The following GPR142 variants were observed in gnomAD, a reference collection of about 807,000 sequenced individuals.
GPR142 encodes G protein-coupled receptor 142.
Under a neutral mutation model 10.6 loss-of-function variants are expected in GPR142, and 9 were observed. The observed-to-expected ratio is 0.85, with a 90% confidence interval of 0.51 to 1.48. The LOEUF (loss-of-function observed/expected upper bound fraction) is 1.48, where lower values mean the gene tolerates loss of function less well. GPR142 is among the 40% of genes most tolerant of loss of function. The pLI, the probability that GPR142 is intolerant of heterozygous loss-of-function variation, is 0.00. For missense variants in GPR142, 482 were observed against 506.0 expected (o/e 0.95, Z 0.45); for synonymous variants, 202 against 221.2 (o/e 0.91, Z 0.77).
At position 74,369,478 on chromosome 17, in the gene GPR142, TG is replaced by T; in HGVS notation, c.-62del. 6.4e-7 allele frequency: 1 copy of T among 1,556,774 alleles called. No homozygotes were observed. The highest frequency in any genetic ancestry group is 8.7e-7 in the Non-Finnish European group (1 of 1,149,556). On this transcript the variant is annotated 5_prime_UTR_variant, in exon 2 of 4. An upstream open reading frame in the 5' UTR loses its in-frame stop. Coordinates refer to ENST00000582579, the MANE Select transcript of GPR142 (RefSeq NM_001331076.1). ...CCCCTGCACTAACAGGCTCAGTGTCTGCGTAAGGATCCTGGGGCAAACAACC... is the reference window on the plus strand; with the variant it reads ...CCCCTGCACTAACAGGCTCAGTGTCTCGTAAGGATCCTGGGGCAAACAACC...
At position 74,367,718 on chromosome 17, in the gene GPR142, G is replaced by T; in HGVS notation, c.-150G>T. Reference sequence around the variant, plus strand: ...GGGGAAGCTGGGACCTCCGAATAAGGCCATCCAAGGACTCCAGCAGTTTCC... The same window carrying T: ...GGGGAAGCTGGGACCTCCGAATAAGTCCATCCAAGGACTCCAGCAGTTTCC... On this transcript the variant is annotated 5_prime_UTR_variant, in exon 1 of 4. Coordinates refer to ENST00000582579, the MANE Select transcript of GPR142 (RefSeq NM_001331076.1). 5 of 1,613,976 alleles carry T rather than the reference G, an allele frequency of 3.1e-6. No individual in the cohort carries two copies. The highest frequency in any genetic ancestry group is 4.2e-6 in the Non-Finnish European group (5 of 1,179,996).
At chr17:74,369,724 G>A in intron 2 of GPR142, 90 bp downstream of exon 2, 1 of 1,348,700 alleles carries the variant, frequency 7.4e-7, no homozygotes, top group Non-Finnish European at 9.9e-7. Context: ...AGAGGGTGGA[G>A]TAGGGGCCAA....
rs1241009128 is a variant in GPR142 at position 74,371,874 on chromosome 17, G to T, written c.399G>T (p.Val133=). The change falls in exon 4 of 4, where the codon GTG becomes GTT. Residue 133 remains valine, a synonymous_variant. Coordinates refer to ENST00000582579, the MANE Select transcript of GPR142 (RefSeq NM_001331076.1). ...CGGGCTTCCTCCTGCAGGGAGCAGT[G>T]CTGGCCCGCCAGGTGCCCCAGGCTG... The part of the protein sequence containing the change: ...VFAGFLLQGA[V]LARQVPQAVV... The T allele has an allele frequency of 1.2e-6, 2 of 1,613,338 alleles. No homozygotes were observed. Among genetic ancestry groups the T allele is most frequent in the African/African-American group, 1.3e-5 (1 of 75,062 alleles).
chr17:74,369,764 C>G (rs531042242), intron 2 of GPR142, 130 bp downstream of exon 2: 1 of 944,544 alleles, frequency 1.1e-6, no homozygotes, highest in Non-Finnish European at 1.5e-6. Context: ...GTGAGCCCCC[C>G]GGCCTCAGCA....
In GPR142 at chr17:74,370,343, G is replaced by C. The variant is rs1451068211; in HGVS notation, c.95-178G>C. 2.0e-5 allele frequency among the ~76,000 whole-genome samples: 3 copies of C among 152,254 alleles called. 1 individual carries two copies. The highest frequency in any genetic ancestry group is 6.6e-5 in the Admixed American group (1 of 15,244). On this transcript the variant is annotated intron_variant, in intron 2 of 3. Coordinates refer to ENST00000582579, the MANE Select transcript of GPR142 (RefSeq NM_001331076.1). ...GAGGGAGTGGGGTGACATGGGGTGG[G>C]GGTGAGGGTGGTCTTGGCAAGAATT...
intron 2 of GPR142, among the ~76,000 whole-genome samples, 190 bp downstream of exon 2, chr17:74,369,824 C>T (rs1035709585): frequency 1.3e-5 from 2 of 152,196 alleles, no homozygotes; most frequent in African/African-American, 4.8e-5. Flanking sequence ...AGTGTGGCTT[C>T]AGGGGAACAG....
At position 74,372,076 on chromosome 17, in the gene GPR142, ACCGGCATCC is replaced by A; in HGVS notation, c.604_612del (p.Gly202_Pro204del). ...TGCTGTCCTGAGTGCTGCCCTGTTG[ACCGGCATCC>A]CCTTCTACTGGTGGCTGGACATGTG... On this transcript the variant is annotated inframe_deletion, in exon 4 of 4. Transcript: ENST00000582579. 1 of 1,614,150 alleles carries A rather than the reference ACCGGCATCC, an allele frequency of 6.2e-7. No individual in the cohort carries two copies.
At chr17:74,370,309 C>T (rs531828889) in intron 2 of GPR142, among the ~76,000 whole-genome samples, 3 of 152,164 alleles carry the variant, frequency 2.0e-5, no homozygotes, top group South Asian at 4.1e-4. Flanking sequence ...GTGGGGGAGC[C>T]GGGCCACTGA....
rs770492734 is a variant in GPR142, at chr17:74,372,558, T to C, written c.1083T>C (p.Pro361=). 1 of 1,610,472 alleles carries C rather than the reference T, an allele frequency of 6.2e-7. No homozygotes were observed. Among genetic ancestry groups the C allele is most frequent in the African/African-American group, 1.3e-5 (1 of 74,950 alleles). The change falls in exon 4 of 4, where the codon CCT becomes CCC. Residue 361 remains proline, a synonymous_variant. Transcript: ENST00000582579. ...AGCCAGAGGGCATGGCGGCGAAGCC[T>C]GTGATGGAGCCTCCGGGACTCCCCA... ...ASQPEGMAAK[P]VMEPPGLPTG...
intron 2 of GPR142, among the ~76,000 whole-genome samples, chr17:74,370,193 C>CCTGTGAT (rs1567936713): frequency 6.6e-6 from 1 of 151,216 alleles, no homozygotes; most frequent in Non-Finnish European, 1.5e-5. Context: ...GACAAGTGCC[C>CCTGTGAT]CCTGTTTCAG....
At chr17:74,368,742 G>A (rs918670072) in intron 1 of GPR142, among the ~76,000 whole-genome samples, 5 of 152,166 alleles carry the variant, frequency 3.3e-5, no homozygotes, top group African/African-American at 9.7e-5. Context: ...CACCAGCAAC[G>A]GCTGTTGTTT....
chr17:74,368,293 G>T (rs1005117714), intron 1 of GPR142, among the ~76,000 whole-genome samples: 3 of 152,188 alleles, frequency 2.0e-5, no homozygotes, highest in Admixed American at 2.0e-4. Context: ...GGCGTCATCT[G>T]TGCTACTTGC....
In GPR142 at chr17:74,372,410, A is replaced by C. The variant is rs761383914; in HGVS notation, c.935A>C (p.Asn312Thr). ...GTCCACCTGGCCTTGGATGTGGCCA[A>C]TATGGTGGCCATGCTCCACACGGCA... Reference protein sequence around the residue: ...WRVHLALDVANMVAMLHTAAN... With the variant: ...WRVHLALDVATMVAMLHTAAN... The change falls in exon 4 of 4, where the codon AAT becomes ACT. Residue 312 changes from asparagine to threonine, a missense_variant. By Grantham distance (65) the Asn-to-Thr change is moderately conservative (BLOSUM62 0). Transcript: ENST00000582579. 6.2e-7 allele frequency: 1 copy of C among 1,613,946 alleles called. No homozygotes were observed. The highest frequency in any genetic ancestry group is 1.1e-5 in the South Asian group (1 of 91,096).
In GPR142 at chr17:74,369,579, AC is replaced by A. The variant is rs752750970; in HGVS notation, c.40del (p.Gln14ArgfsTer2). On this transcript the variant is annotated frameshift_variant, in exon 2 of 4. Transcript: ENST00000582579. LOFTEE classifies it high-confidence loss of function. ...GSCGDPQKKP[Q>X]VTQDSGPQSM... ...GCTGCGGGGACCCTCAGAAAAAGCC[AC>A]AGGTGACCCAGGACTCAGGGCCCCA... is the stretch of plus-strand genomic sequence containing the variant. The A allele has an allele frequency of 1.4e-5, 22 of 1,552,096 alleles. No homozygotes were observed. The South Asian group carries it at 2.6e-4, about 18-fold the overall frequency.
In GPR142 at chr17:74,370,582, T is replaced by C. The variant is rs934674971; in HGVS notation, c.156T>C (p.Phe52=). The C allele has an allele frequency of 1.9e-6, 3 of 1,613,506 alleles. No individual in the cohort carries two copies. The African/African-American group carries it at 4.0e-5, about 22-fold the overall frequency. The change falls in exon 3 of 4, where the codon TTT becomes TTC. Residue 52 remains phenylalanine, a synonymous_variant. Coordinates refer to ENST00000582579, the MANE Select transcript of GPR142 (RefSeq NM_001331076.1). ...ACGTCAGCGGGCTGAGCCAGGAGTT[T>C]GAAAGCCACTGGCCAGAGATCGCAG... The part of the protein sequence containing the change: ...TPHVSGLSQE[F]ESHWPEIAER...
chr17:74,367,931 C>A, intron 1 of GPR142, 137 bp downstream of exon 1: 3 of 806,516 alleles, frequency 3.7e-6, no homozygotes, highest in South Asian at 1.9e-5. Context: ...TGGTTGAAAC[C>A]CTTGTGTTCC....
At position 74,367,598 on chromosome 17, in the gene GPR142, T is replaced by C. The variant is rs551442696; in HGVS notation, c.-270T>C. ...CTGCTGTCCTGGGTACAGAAGCATA[T>C]ACTGAGGAAGACAAATCAATGGTGT... On this transcript the variant is annotated 5_prime_UTR_variant, in exon 1 of 4. Coordinates refer to ENST00000582579, the MANE Select transcript of GPR142 (RefSeq NM_001331076.1). 1.9e-6 allele frequency: 3 copies of C among 1,614,180 alleles called. No homozygotes were observed. Among genetic ancestry groups the C allele is most frequent in the African/African-American group, 1.3e-5 (1 of 75,038 alleles).
chr17:74,368,463 C>T (rs1028903050), intron 1 of GPR142, among the ~76,000 whole-genome samples: 4 of 150,198 alleles, frequency 2.7e-5, no homozygotes, highest in East Asian at 4.0e-4. Context: ...GCAGGGCCTG[C>T]GCTGTGAGTA....
At position 74,369,442 on chromosome 17, in the gene GPR142, C is replaced by A. The variant is rs202148503; in HGVS notation, c.-73-26C>A. 1.1e-5 allele frequency: 17 copies of A among 1,551,508 alleles called. No homozygotes were observed. In the African/African-American group the frequency reaches 1.9e-4, roughly 17 times the overall value. ...CCCACCAGTTCCTTCCTCCTCCTTC[C>A]CCCGCCCCGCCCCCTGCACTAACAG... On this transcript the variant is annotated intron_variant, in intron 1 of 3. Coordinates refer to ENST00000582579, the MANE Select transcript of GPR142 (RefSeq NM_001331076.1).
Sources: allele counts gnomAD v4.1 joint callset (sites outside exome capture counted in the v4.1 genomes callset), GRCh38; gene constraint gnomAD v4.1.1; transcripts MANE v1.5; gene names NCBI Gene and HGNC (gene_info 2026-07-23, HGNC 2026-07-21).